Variants in ATF6 observed in about 807,000 individuals in gnomAD.
ATF6 encodes activating transcription factor 6.
A neutral mutation model predicts 83.6 loss-of-function variants in ATF6; 53 were observed. That is an observed-to-expected ratio of 0.63 (90% CI 0.51 to 0.80). The LOEUF (loss-of-function observed/expected upper bound fraction) is 0.80, where lower values mean the gene tolerates loss of function less well. ATF6 is among the 30% of genes least tolerant of loss of function. ATF6 has a pLI of 0.00. For missense variants in ATF6, 744 were observed against 797.9 expected (o/e 0.93, Z 0.81); for synonymous variants, 288 against 285.8 (o/e 1.01, Z -0.08).
At chr1:161,895,110 A>T (rs987399491) in intron 14 of ATF6, among the ~76,000 whole-genome samples, 3 of 152,002 alleles carry the variant, frequency 2.0e-5, no homozygotes, top group Non-Finnish European at 4.4e-5. Context: ...GGTGGTGTGT[A>T]CCTGTAGTCC....
chr1:161,862,904 C>G (rs1686914335), intron 13 of ATF6, among the ~76,000 whole-genome samples: 1 of 152,150 alleles, frequency 6.6e-6, no homozygotes, highest in South Asian at 2.1e-4. Flanking sequence ...AGAAATCTCT[C>G]TATTTTCTGA....
At chr1:161,891,425 C>A (rs1220422852) in intron 14 of ATF6, 2 of 152,276 alleles carry the variant, frequency 1.3e-5, no homozygotes, top group Non-Finnish European at 2.9e-5. Context: ...CCGTGGATAG[C>A]ACAGCGGCCT....
chr1:161,879,499 G>A (rs970465925), intron 14 of ATF6, among the ~76,000 whole-genome samples: 2 of 152,114 alleles, frequency 1.3e-5, no homozygotes, highest in African/African-American at 4.8e-5. Context: ...TGTGATGGTT[G>A]TGATGAACAA....
At chr1:161,891,244 G>A (rs181920830) in intron 14 of ATF6, 33 of 152,568 alleles carry the variant, frequency 2.2e-4, no homozygotes, top group African/African-American at 7.5e-4. Flanking sequence ...CAGCTTCTGC[G>A]GAGCAACCAG....
Position 161,958,763 on chromosome 1 carries a change from C to G in ATF6, c.*109C>G, listed in dbSNP as rs908552558. ...GTGGCAGGCAGAGAACTGTCTCGTA[C>G]TAGAATTCAAGGAGGAAAGAAGAAG... On this transcript the variant is annotated 3_prime_UTR_variant, in exon 16 of 16. Coordinates refer to ENST00000367942, the MANE Select transcript of ATF6 (RefSeq NM_007348.4). 3.3e-6 allele frequency: 3 copies of G among 916,966 alleles called. No homozygotes were observed. The highest frequency in any genetic ancestry group is 4.8e-6 in the Non-Finnish European group (3 of 623,130). 56.8% of individuals were successfully genotyped at this position (916,966 alleles called of 1,614,324 possible).
chr1:161,941,983 G>A (rs533625966), intron 15 of ATF6, among the ~76,000 whole-genome samples: 1 of 151,608 alleles, frequency 6.6e-6, no homozygotes. Flanking sequence ...CGGCGGGGTG[G>A]GGGGGTTTTG....
In ATF6 at chr1:161,771,301, G is replaced by A. The variant is rs562945294; in HGVS notation, c.82+4859G>A. 4.6e-5 allele frequency among the ~76,000 whole-genome samples: 7 copies of A among 151,754 alleles called. No homozygotes were observed. The South Asian group carries it at 6.2e-4, about 14-fold the overall frequency. Reference sequence around the variant, plus strand: ...ATGTGTATCAAGATCAGAAGCTTTCGTCTGCCACTGTGGTTTCGTTTATGT... The same window carrying A: ...ATGTGTATCAAGATCAGAAGCTTTCATCTGCCACTGTGGTTTCGTTTATGT... On this transcript the variant is annotated intron_variant, in intron 1 of 15. Coordinates refer to ENST00000367942, the MANE Select transcript of ATF6 (RefSeq NM_007348.4).
intron 1 of ATF6, 142 bp from the exon 2 acceptor site, chr1:161,778,102 C>T: frequency 1.7e-6 from 1 of 579,302 alleles, no homozygotes; most frequent in Non-Finnish European, 3.0e-6. Flanking sequence ...CATTGAATTG[C>T]TTATTCACAT....
intron 14 of ATF6, among the ~76,000 whole-genome samples, chr1:161,885,320 G>A (rs1195197384): frequency 6.6e-6 from 1 of 152,100 alleles, no homozygotes; most frequent in Non-Finnish European, 1.5e-5. Context: ...TACCTCTCTA[G>A]TACTCCCCAG....
chr1:161,945,801 C>T lies in ATF6; in HGVS notation c.1805-12645C>T, dbSNP rs185764869. The stretch of plus-strand genomic sequence containing the variant: ...GAAGCTATGTTATATAAGCATTTCA[C>T]GCATGCTGGCTCAATGAATCACAAA... On this transcript the variant is annotated intron_variant, in intron 15 of 15. Transcript: ENST00000367942. Among the ~76,000 whole-genome samples, 91 of 152,276 alleles carry T rather than the reference C, an allele frequency of 6.0e-4. 1 individual carries two copies. The highest frequency in any genetic ancestry group is 1.1e-3 in the Admixed American group (17 of 15,296).
At chr1:161,845,522 C>T (rs1686464175) in intron 9 of ATF6, among the ~76,000 whole-genome samples, 1 of 152,112 alleles carries the variant, frequency 6.6e-6, no homozygotes, top group Non-Finnish European at 1.5e-5. Context: ...AATCCCAGCA[C>T]TTTGGGAGGC....
chr1:161,854,657 G>A (rs1340673782), intron 12 of ATF6, among the ~76,000 whole-genome samples: 1 of 152,120 alleles, frequency 6.6e-6, no homozygotes, highest in Non-Finnish European at 1.5e-5. Context: ...GGATCACGAG[G>A]TCAGGAGATC....
intron 1 of ATF6, among the ~76,000 whole-genome samples, chr1:161,770,711 G>C (rs1306353614): frequency 6.6e-6 from 1 of 152,164 alleles, no homozygotes; most frequent in African/African-American, 2.4e-5. Context: ...TTCACAGTTT[G>C]CTTATCCACT....
At chr1:161,920,541 G>T (rs111612785) in intron 15 of ATF6, among the ~76,000 whole-genome samples, 1 of 151,856 alleles carries the variant, frequency 6.6e-6, no homozygotes, top group Admixed American at 6.6e-5. Flanking sequence ...TGATCTGCCC[G>T]CCTCGGCCTC....
At chr1:161,948,039 G>T (rs149822268) in intron 15 of ATF6, among the ~76,000 whole-genome samples, 3,011 of 152,052 alleles carry the variant, frequency 0.02, 40 homozygotes, top group Middle Eastern at 0.031. Context: ...GGTCAGGCTG[G>T]TCTCGAACTC....
At chr1:161,903,438 A>G (rs1202509889) in intron 14 of ATF6, among the ~76,000 whole-genome samples, 4 of 152,212 alleles carry the variant, frequency 2.6e-5, no homozygotes, top group Non-Finnish European at 1.5e-5. Flanking sequence ...TGGATTGGTC[A>G]TGTGTGCCTG....
At chr1:161,904,011 C>A (rs981340035) in intron 14 of ATF6, among the ~76,000 whole-genome samples, 8 of 152,150 alleles carry the variant, frequency 5.3e-5, no homozygotes, top group Non-Finnish European at 1.2e-4. Flanking sequence ...GCAGGTGATT[C>A]TGATATGTAT....
chr1:161,807,070 C>G (rs1465872159), intron 7 of ATF6, among the ~76,000 whole-genome samples: 4 of 152,056 alleles, frequency 2.6e-5, no homozygotes, highest in African/African-American at 9.7e-5. Context: ...TTATCTCATC[C>G]TTCAAGGTTG....
chr1:161,845,278 T>G (rs1686457877), intron 9 of ATF6, among the ~76,000 whole-genome samples: 1 of 152,192 alleles, frequency 6.6e-6, no homozygotes, highest in South Asian at 2.1e-4. Context: ...TTAACTACCC[T>G]TTTTCATTAG....
Sources: allele counts gnomAD v4.1 joint callset (sites outside exome capture counted in the v4.1 genomes callset), GRCh38; gene constraint gnomAD v4.1.1; transcripts MANE v1.5; gene names NCBI Gene and HGNC (gene_info 2026-07-23, HGNC 2026-07-21).